The following CDCP1 variants were observed in gnomAD, a reference collection of about 807,000 sequenced individuals.
CDCP1 encodes the protein CUB domain-containing protein 1.
Under a neutral mutation model 60.2 loss-of-function variants are expected in CDCP1, and 29 were observed. The ratio of observed to expected loss-of-function variants is 0.48; its 90% CI spans 0.36 to 0.66. CDCP1 has a LOEUF of 0.66. Ranked by LOEUF, CDCP1 falls within the 30% of genes least tolerant of loss-of-function variation. CDCP1 has a pLI of 0.00. For missense variants in CDCP1, 876 were observed against 1,074.3 expected (o/e 0.82, Z 2.58); for synonymous variants, 387 against 431.1 (o/e 0.90, Z 1.27).
Position 45,128,071 on chromosome 3 carries a change from A to G in CDCP1, c.83-9450T>C, listed in dbSNP as rs374545492. Among the ~76,000 whole-genome samples, 8 of 152,294 alleles carry G rather than the reference A, an allele frequency of 5.3e-5. No individual in the cohort carries two copies. The East Asian group carries it at 5.8e-4, about 11-fold the overall frequency. On this transcript the variant is annotated intron_variant, in intron 1 of 8. Coordinates refer to ENST00000296129, the MANE Select transcript of CDCP1 (RefSeq NM_022842.5). ...CCATTCTGCCATTATAGGCTCTCCA[A>G]AGGAAAGGACCACATTAAACACTGC... is the stretch of plus-strand genomic sequence containing the variant.
rs747723027 is a variant in CDCP1, at chr3:45,091,199, G to A, written c.1967C>T (p.Ser656Leu). Residue 656 changes from serine (S) to leucine (L), a missense_variant, in exon 7 of 9, where the codon TCG (serine) becomes TTG (leucine). Physicochemically the swap from Ser to Leu is moderately radical, Grantham distance 145. Around this residue, in one of 2 missense-constraint regions of CDCP1, gnomAD observed 726 missense variants for 935.7 expected, o/e 0.78. Transcript: ENST00000296129. The surrounding 1 kb of genome is among the most constrained non-coding windows in gnomAD (Gnocchi z 4.8). ...CACAGTCCTTGGGGTAAGTGTCACC[G>A]AGAAGAGCAGGTCTAGCTGCTTGCC... is the stretch of plus-strand genomic sequence containing the variant. ...TSGKQLDLLF[S>L]VTLTPRTVDL... is the part of the protein sequence containing the mutation. 3.5e-5 allele frequency: 57 copies of A among 1,613,370 alleles called. No homozygotes were observed. Among genetic ancestry groups the A allele is most frequent in the Middle Eastern group, 1.6e-4 (1 of 6,080 alleles).
chr3:45,108,105 A>G (rs188117285), intron 4 of CDCP1, among the ~76,000 whole-genome samples: 2 of 151,926 alleles, frequency 1.3e-5, no homozygotes, highest in Non-Finnish European at 1.5e-5. Context: ...AGCCTGGGTG[A>G]CAGAGCAAGA....
intron 4 of CDCP1, among the ~76,000 whole-genome samples, chr3:45,102,676 A>G (rs1194031108): frequency 1.3e-5 from 2 of 150,500 alleles, no homozygotes; most frequent in African/African-American, 4.9e-5. Context: ...AAAAATTATT[A>G]TTGTTTTGAG....
intron 6 of CDCP1, 121 bp downstream of exon 6, chr3:45,093,156 G>T: frequency 9.0e-7 from 1 of 1,115,170 alleles, no homozygotes; most frequent in Non-Finnish European, 1.3e-6. Flanking sequence ...CTTGTGCAAG[G>T]ACCAGCATAT....
chr3:45,122,170 A>C (rs1576108643), intron 1 of CDCP1, among the ~76,000 whole-genome samples: 1 of 150,038 alleles, frequency 6.7e-6, no homozygotes, highest in African/African-American at 2.5e-5. Context: ...TTGAGACGGA[A>C]TCTCACTCTG....
Position 45,093,323 on chromosome 3 carries a change from C to A in CDCP1, c.1581G>T (p.Glu527Asp), listed in dbSNP as rs1440795723. The change falls in exon 6 of 9, where the codon GAG (glutamate) becomes GAT (aspartate). Residue 527 changes from glutamate (E) to aspartate (D), a missense_variant. Around this residue, in one of 2 missense-constraint regions of CDCP1, gnomAD observed 726 missense variants for 935.7 expected, o/e 0.78. Transcript: ENST00000296129. Reference protein sequence around the residue: ...LRTFAPSFQQEASRQGLTVSF... With the variant: ...LRTFAPSFQQDASRQGLTVSF... ...ACACCGTCAGACCCTGCCTGGAGGC[C>A]TCTTGTTGGAAGCTGGGGGCAAAGG... 1 of 1,614,080 alleles carries A rather than the reference C, an allele frequency of 6.2e-7. No individual in the cohort carries two copies. The highest frequency in any genetic ancestry group is 8.5e-7 in the Non-Finnish European group (1 of 1,180,044).
intron 4 of CDCP1, among the ~76,000 whole-genome samples, chr3:45,102,090 G>C (rs1576087857): frequency 6.7e-6 from 1 of 150,170 alleles, no homozygotes; most frequent in East Asian, 2.0e-4. Flanking sequence ...ATTTTTTTTT[G>C]AGATGGAGTC....
At chr3:45,119,347 T>C (rs1576105797) in intron 1 of CDCP1, among the ~76,000 whole-genome samples, 1 of 152,262 alleles carries the variant, frequency 6.6e-6, no homozygotes, top group East Asian at 1.9e-4. Context: ...CCAATCTCCT[T>C]CCCATTTGCT....
Position 45,085,983 on chromosome 3 carries a change from A to G in CDCP1, c.2166T>C (p.Phe722=). ...NTEMPRQPKK[F]QKGRKDNDSH... is the part of the protein sequence containing the mutation. ...AGTCATTGTCCTTTCGCCCTTTCTG[A>G]AACTTTTTTGGCTGCCTCGGCATCT... The change falls in exon 9 of 9, where the codon TTT becomes TTC. Residue 722 remains phenylalanine, a synonymous_variant. Transcript: ENST00000296129. The surrounding 1 kb of genome is among the most constrained non-coding windows in gnomAD (Gnocchi z 4.2). 1 of 1,614,200 alleles carries G rather than the reference A, an allele frequency of 6.2e-7. No homozygotes were observed.
rs549817681 is a variant in CDCP1, at chr3:45,110,286, G to A, written c.1024+187C>T. On this transcript the variant is annotated intron_variant, in intron 4 of 8. Transcript: ENST00000296129. ...TTGTGCTGAAATGGAACTACATACCGGGTGTTCACCAACAAGCCTGTCTAA... is the reference window on the plus strand; with the variant it reads ...TTGTGCTGAAATGGAACTACATACCAGGTGTTCACCAACAAGCCTGTCTAA... 616 of 1,429,570 alleles carry A rather than the reference G, an allele frequency of 4.3e-4. 1 individual carries two copies. The highest frequency in any genetic ancestry group is 5.4e-4 in the Non-Finnish European group (585 of 1,091,936). The allele number at this position is 1,429,570 out of a possible 1,614,324, so 88.6% of individuals were successfully genotyped here.
At chr3:45,117,597 C>G (rs1458436226) in intron 2 of CDCP1, among the ~76,000 whole-genome samples, 1 of 139,942 alleles carries the variant, frequency 7.1e-6, no homozygotes, top group East Asian at 2.0e-4. Context: ...TCCTCAACTT[C>G]TTTTTTTTTT....
intron 1 of CDCP1, among the ~76,000 whole-genome samples, 194 bp from the exon 2 acceptor site, chr3:45,118,815 C>T (rs1322720938): frequency 6.6e-6 from 1 of 152,228 alleles, no homozygotes; most frequent in Non-Finnish European, 1.5e-5. Flanking sequence ...ATGCTGCCAG[C>T]TGGTCACTGA....
intron 1 of CDCP1, among the ~76,000 whole-genome samples, chr3:45,145,734 C>G (rs1287575843): frequency 6.6e-6 from 1 of 152,132 alleles, no homozygotes; most frequent in Admixed American, 6.5e-5. Flanking sequence ...TTTGCACCTT[C>G]TCTCTGGACC....
At chr3:45,111,327 A>AT (rs769737056) in intron 3 of CDCP1, among the ~76,000 whole-genome samples, 7 of 152,296 alleles carry the variant, frequency 4.6e-5, no homozygotes, top group South Asian at 2.1e-4. Flanking sequence ...ATTTAATTCT[A>AT]TTTTTTTATA....
intron 1 of CDCP1, among the ~76,000 whole-genome samples, chr3:45,145,053 T>C (rs186924071): frequency 6.6e-6 from 1 of 152,192 alleles, no homozygotes; most frequent in Non-Finnish European, 1.5e-5. Context: ...AAATTTTCTA[T>C]CTACTATGCA....
chr3:45,141,257 A>G (rs1274348812), intron 1 of CDCP1, among the ~76,000 whole-genome samples: 1 of 152,204 alleles, frequency 6.6e-6, no homozygotes, highest in Non-Finnish European at 1.5e-5. Context: ...AAAAATGTCA[A>G]CAAAGGGAGG....
chr3:45,092,922 G>A (rs1433876163), intron 6 of CDCP1, among the ~76,000 whole-genome samples: 1 of 152,130 alleles, frequency 6.6e-6, no homozygotes, highest in East Asian at 1.9e-4. Context: ...GTCTGCCTAA[G>A]GATTTTTATG....
chr3:45,091,288 G>GAGCA lies in CDCP1; in HGVS notation c.1874_1877dup (p.Pro627AlafsTer17). 6.2e-7 allele frequency: 1 copy of GAGCA among 1,614,104 alleles called. No individual in the cohort carries two copies. The highest frequency in any genetic ancestry group is 8.5e-7 in the Non-Finnish European group (1 of 1,180,028). On this transcript the variant is annotated frameshift_variant, in exon 7 of 9. Coordinates refer to ENST00000296129, the MANE Select transcript of CDCP1 (RefSeq NM_022842.5). LOFTEE classifies it high-confidence loss of function. The surrounding 1 kb of genome is among the most constrained non-coding windows in gnomAD (Gnocchi z 4.8). ...TGTGATGGTGGAAGCTTGGCTTGGG[G>GAGCA]AGCACATCCTCGTCCAGGCTGAAGA... is the stretch of plus-strand genomic sequence containing the variant.
intron 4 of CDCP1, among the ~76,000 whole-genome samples, chr3:45,108,152 C>G (rs887841920): frequency 1.3e-5 from 2 of 151,782 alleles, no homozygotes; most frequent in African/African-American, 2.4e-5. Flanking sequence ...AAGAATGGGT[C>G]AGACAAACAG....
Sources: gnomAD v4.1 joint callset for allele counts (sites outside exome capture counted in the v4.1 genomes callset) on GRCh38, gnomAD v4.1.1 for gene constraint, gnomAD v4.1.1 regional missense constraint, Gnocchi (gnomAD v3.1) non-coding constraint, MANE v1.5 for transcripts, NCBI Gene and HGNC (gene_info 2026-07-23, HGNC 2026-07-21) for gene names.